GUCY1B1: variants seen among roughly 807,000 people sequenced by gnomAD.
The protein encoded by GUCY1B1 is guanylate cyclase soluble subunit beta-1.
In GUCY1B1, 43 loss-of-function variants were observed where a neutral mutation model predicts 71.0. The observed-to-expected ratio is 0.61, with a 90% CI of 0.47 to 0.78. GUCY1B1 has a LOEUF of 0.78. Among genes scored for constraint, GUCY1B1 ranks in the 30% least tolerant of loss-of-function variants. GUCY1B1 has a pLI of 0.00. For synonymous variants in GUCY1B1, 266 were observed against 259.7 expected, an observed-to-expected ratio of 1.02 and a Z score of -0.23; for missense variants, 535 against 754.1, an observed-to-expected ratio of 0.71 and a Z score of 3.40.
At chr4:155,790,300 A>C (rs1739069242) in intron 5 of GUCY1B1, among the ~76,000 whole-genome samples, 1 of 152,216 alleles carries the variant, frequency 6.6e-6, no homozygotes, top group Non-Finnish European at 1.5e-5. Flanking sequence ...TATTTTATAG[A>C]TCATTTTCTC....
chr4:155,805,927 A>G (rs1457900784), intron 13 of GUCY1B1, among the ~76,000 whole-genome samples: 2 of 152,134 alleles, frequency 1.3e-5, no homozygotes, highest in Non-Finnish European at 2.9e-5. Flanking sequence ...GCCTCTTCCT[A>G]GCCTTTTGTA....
At chr4:155,804,488 C>T (rs766681191) in intron 11 of GUCY1B1, 105 bp from the exon 12 acceptor site, 1 of 835,258 alleles carries the variant, frequency 1.2e-6, no homozygotes, top group South Asian at 1.7e-5. Flanking sequence ...ATGTAACAAA[C>T]CTGCACCTTC....
At chr4:155,763,895 T>G (rs1410448272) in intron 2 of GUCY1B1, among the ~76,000 whole-genome samples, 1 of 152,216 alleles carries the variant, frequency 6.6e-6, no homozygotes, top group Admixed American at 6.5e-5. Context: ...ATGATGATTT[T>G]TTTTTATTTT....
chr4:155,799,669 A>T (rs565543703), intron 8 of GUCY1B1, among the ~76,000 whole-genome samples: 1 of 152,236 alleles, frequency 6.6e-6, no homozygotes. Flanking sequence ...GCAAAAATGC[A>T]TCTCAAGTTC....
chr4:155,799,554 G>A (rs552304922), intron 8 of GUCY1B1, among the ~76,000 whole-genome samples: 2 of 152,216 alleles, frequency 1.3e-5, no homozygotes, highest in Admixed American at 1.3e-4. Context: ...AAAAATTTGA[G>A]AATAATAAAT....
chr4:155,787,761 G>T (rs1738894527), intron 4 of GUCY1B1, among the ~76,000 whole-genome samples: 1 of 152,194 alleles, frequency 6.6e-6, no homozygotes, highest in Non-Finnish European at 1.5e-5. Context: ...AATGCTGTAA[G>T]TGTCCTGTTA....
chr4:155,775,840 AAGAAGTTG>A (rs144079305), intron 3 of GUCY1B1, among the ~76,000 whole-genome samples: 5,783 of 152,292 alleles, frequency 0.038, 375 homozygotes, highest in African/African-American at 0.13. Context: ...TTTCATGGAG[AAGAAGTTG>A]TTCTCAAAGT....
At chr4:155,799,157 A>G (rs1321733765) in intron 8 of GUCY1B1, among the ~76,000 whole-genome samples, 2 of 152,188 alleles carry the variant, frequency 1.3e-5, no homozygotes, top group Non-Finnish European at 2.9e-5. Context: ...ATTTTTAAAA[A>G]GCAGTTAACT....
Position 155,805,227 on chromosome 4 carries a change from G to A in GUCY1B1, c.1834G>A (p.Glu612Lys), listed in dbSNP as rs1740237307. The change falls in exon 13 of 14, where the codon GAG becomes AAG. Residue 612 changes from glutamate to lysine, a missense_variant and splice_region_variant. By Grantham distance (56) the Glu-to-Lys change is moderately conservative (BLOSUM62 1). Coordinates refer to ENST00000264424, the MANE Select transcript of GUCY1B1 (RefSeq NM_000857.5). Reference protein sequence around the residue: ...WFLSRKNTGTEETKQDDD With the variant: ...WFLSRKNTGTKETKQDDD ...TCTATCCAGAAAAAATACAGGAACAGAGGTATGACTAATCAAAGTGTAATT... is the reference window on the plus strand; with the variant it reads ...TCTATCCAGAAAAAATACAGGAACAAAGGTATGACTAATCAAAGTGTAATT... 6.2e-7 allele frequency: 1 copy of A among 1,607,858 alleles called. No homozygotes were observed. The highest frequency in any genetic ancestry group is 1.3e-5 in the African/African-American group (1 of 74,806).
At chr4:155,760,136 A>G (rs1203350757) in intron 2 of GUCY1B1, among the ~76,000 whole-genome samples, 1 of 152,116 alleles carries the variant, frequency 6.6e-6, no homozygotes, top group African/African-American at 2.4e-5. Flanking sequence ...TGAGCGTGGG[A>G]ACGCGCTGCC....
At chr4:155,790,567 G>C (rs140718920) in intron 5 of GUCY1B1, among the ~76,000 whole-genome samples, 1 of 152,216 alleles carries the variant, frequency 6.6e-6, no homozygotes, top group Non-Finnish European at 1.5e-5. Context: ...TCCCAGTCAG[G>C]CTGCTTTTTA....
chr4:155,766,773 G>C (rs1737362694), intron 2 of GUCY1B1, among the ~76,000 whole-genome samples: 1 of 152,142 alleles, frequency 6.6e-6, no homozygotes, highest in Non-Finnish European at 1.5e-5. Context: ...TTTCTAAAAG[G>C]CAGGGATGTG....
intron 12 of GUCY1B1, 145 bp from the exon 13 acceptor site, chr4:155,804,958 A>T: frequency 2.6e-6 from 2 of 777,226 alleles, no homozygotes; most frequent in Non-Finnish European, 4.2e-6. Context: ...TCCTGATATG[A>T]TCATTGTTTC....
chr4:155,805,729 T>C (rs552086010), intron 13 of GUCY1B1, among the ~76,000 whole-genome samples: 1 of 152,292 alleles, frequency 6.6e-6, no homozygotes, highest in East Asian at 1.9e-4. Flanking sequence ...GTGTTTCTCC[T>C]AGATAGATGA....
chr4:155,786,297 A>ATG (rs1738764603), intron 4 of GUCY1B1, among the ~76,000 whole-genome samples: 1 of 124,240 alleles, frequency 8.0e-6, no homozygotes, highest in African/African-American at 3.4e-5. Flanking sequence ...TTTTTGAGGC[A>ATG]GAATCTCACT....
intron 6 of GUCY1B1, among the ~76,000 whole-genome samples, chr4:155,795,056 C>T (rs1180281977): frequency 6.6e-6 from 1 of 151,946 alleles, no homozygotes; most frequent in Non-Finnish European, 1.5e-5. Context: ...CATTTTTTCT[C>T]CTTCTGAAAA....
At chr4:155,789,642 ATC>A (rs1404316563) in intron 4 of GUCY1B1, 70 bp from the exon 5 acceptor site, 2 of 860,908 alleles carry the variant, frequency 2.3e-6, no homozygotes, top group Non-Finnish European at 1.8e-6. Context: ...TCGTTTTCAT[ATC>A]TTGCTTTCCC....
At chr4:155,805,692 G>A (rs945228466) in intron 13 of GUCY1B1, among the ~76,000 whole-genome samples, 5 of 152,064 alleles carry the variant, frequency 3.3e-5, no homozygotes, top group African/African-American at 9.7e-5. Flanking sequence ...GAGTGATTGG[G>A]GAATTTTGGA....
intron 7 of GUCY1B1, among the ~76,000 whole-genome samples, 200 bp downstream of exon 7, chr4:155,795,657 A>T (rs1008016826): frequency 6.6e-6 from 1 of 152,196 alleles, no homozygotes; most frequent in African/African-American, 2.4e-5. Context: ...GATTAAAATT[A>T]ACAGAGGTAA....
Sources: allele counts gnomAD v4.1 joint callset (sites outside exome capture counted in the v4.1 genomes callset), GRCh38; gene constraint gnomAD v4.1.1; transcripts MANE v1.5; gene names NCBI Gene and HGNC (gene_info 2026-07-23, HGNC 2026-07-21).